Variants in CNTNAP3B observed in about 807,000 individuals in gnomAD.
CNTNAP3B encodes contactin associated protein family member 3B.
CNTNAP3B carries 25 observed loss-of-function variants against 108.9 expected under a neutral mutation model. The observed-to-expected ratio is 0.23, with a 90% CI of 0.17 to 0.32. CNTNAP3B has a LOEUF of 0.32. Ranked by LOEUF, CNTNAP3B falls within the 10% of genes least tolerant of loss-of-function variation. The pLI is 1.00. For synonymous variants in CNTNAP3B, 103 were observed against 473.4 expected (o/e 0.22, Z 10.16); for missense variants, 252 against 1,210.4 (o/e 0.21, Z 11.75).
In CNTNAP3B at chr9:41,935,966, C is replaced by G. The variant is rs1824144266; in HGVS notation, c.2237+2278G>C. 2.0e-5 allele frequency among the ~76,000 whole-genome samples: 3 copies of G among 152,394 alleles called. No individual in the cohort carries two copies. In the South Asian group the frequency reaches 6.2e-4, roughly 32 times the overall value. On this transcript the variant is annotated intron_variant, in intron 14 of 23. Transcript: ENST00000377561. ...AAACTCAGTTCATGGGAGGGTCACT[C>G]AATACAGGTGGCTCCAAGTGATACG...
intron 13 of CNTNAP3B, among the ~76,000 whole-genome samples, chr9:41,947,746 T>C (rs1824567276): frequency 6.6e-6 from 1 of 152,136 alleles, no homozygotes. Flanking sequence ...GAAAATCTAG[T>C]TCTAAAAAAC....
intron 12 of CNTNAP3B, among the ~76,000 whole-genome samples, chr9:41,955,687 C>A (rs1330685104): frequency 1.3e-5 from 2 of 152,298 alleles, no homozygotes; most frequent in African/African-American, 4.8e-5. Context: ...GAAAGGGGTT[C>A]AGAGGTGTGG....
rs1825400492 is a variant in CNTNAP3B at position 41,970,170 on chromosome 9, GTGA to G, written c.1550_1552del (p.Ile517del). On this transcript the variant is annotated inframe_deletion, in exon 10 of 24. Coordinates refer to ENST00000377561, the MANE Select transcript of CNTNAP3B (RefSeq NM_001201380.3). The stretch of plus-strand genomic sequence containing the variant: ...GGGATCCACCGCTTTGTCACCAATG[GTGA>G]TGAGCCTTAGGCAGCCCTGAAACCC... 9.6e-7 allele frequency: 1 copy of G among 1,042,358 alleles called. No individual in the cohort carries two copies. The highest frequency in any genetic ancestry group is 2.8e-5 in the African/African-American group (1 of 35,836). The allele number at this position is 1,042,358 out of a possible 1,614,324, so 64.6% of individuals were successfully genotyped here. A position where few individuals can be genotyped will look rare whatever the true frequency, so the allele number is the denominator to read the frequency against.
At chr9:41,938,765 T>A (rs978122487) in intron 13 of CNTNAP3B, among the ~76,000 whole-genome samples, 2 of 152,276 alleles carry the variant, frequency 1.3e-5, no homozygotes, top group Non-Finnish European at 2.9e-5. Flanking sequence ...TTATGAAATG[T>A]TCATTGAGAA....
chr9:42,037,556 G>T (rs1217981332), intron 3 of CNTNAP3B, among the ~76,000 whole-genome samples: 1 of 125,396 alleles, frequency 8.0e-6, no homozygotes, highest in South Asian at 2.6e-4. Flanking sequence ...TGAATGAAAT[G>T]AAGCAAGAAG....
Position 42,096,985 on chromosome 9 carries a change from A to C in CNTNAP3B, c.196+7644T>G, listed in dbSNP as rs1329552244. Among the ~76,000 whole-genome samples the C allele has an allele frequency of 1.7e-4, 23 of 133,518 alleles. 5 individuals carry two copies. The highest frequency in any genetic ancestry group is 7.0e-4 in the African/African-American group (23 of 32,862). 87.6% of individuals were successfully genotyped at this position (133,518 alleles called of 152,430 possible). On this transcript the variant is annotated intron_variant, in intron 2 of 23. Transcript: ENST00000377561. Reference sequence around the variant, plus strand: ...AGGCTGGTCTCCAACTCCTGGGCTCAAGGTGATCCAACCGCCTCAGCCTCC... The same window carrying C: ...AGGCTGGTCTCCAACTCCTGGGCTCCAGGTGATCCAACCGCCTCAGCCTCC...
intron 2 of CNTNAP3B, among the ~76,000 whole-genome samples, chr9:42,094,130 T>A (rs1317391632): frequency 1.5e-5 from 2 of 137,800 alleles, no homozygotes; most frequent in African/African-American, 2.9e-5. Context: ...TTCAAGGAAG[T>A]TAGAATTGCA....
intron 1 of CNTNAP3B, among the ~76,000 whole-genome samples, chr9:42,123,757 A>C (rs192614949): frequency 1.5e-5 from 2 of 137,912 alleles, no homozygotes; most frequent in African/African-American, 2.9e-5. Flanking sequence ...AAGGAACTAC[A>C]AGTTATATAT....
Position 41,934,118 on chromosome 9 carries a change from TATATACACACAC to T in CNTNAP3B, c.2237+4114_2237+4125del, listed in dbSNP as rs1162599677. ...TTTGTTACATATATATATATATATA[TATATACACACAC>T]ATATATATATACACACACATATATA... On this transcript the variant is annotated intron_variant, in intron 14 of 23. Coordinates refer to ENST00000377561, the MANE Select transcript of CNTNAP3B (RefSeq NM_001201380.3). 8.6e-4 allele frequency among the ~76,000 whole-genome samples: 113 copies of T among 130,716 alleles called. 1 individual carries two copies. The highest frequency in any genetic ancestry group is 3.4e-3 in the African/African-American group (107 of 31,472). The allele number at this position is 130,716 out of a possible 152,430, so 85.8% of individuals were successfully genotyped here.
In CNTNAP3B at chr9:42,087,725, C is replaced by G. The variant is rs1217649974; in HGVS notation, c.197-10663G>C. 2.2e-5 allele frequency among the ~76,000 whole-genome samples: 3 copies of G among 137,724 alleles called. 1 individual carries two copies. Among genetic ancestry groups the G allele is most frequent in the African/African-American group, 8.6e-5 (3 of 34,918 alleles). 90.4% of individuals were successfully genotyped at this position (137,724 alleles called of 152,430 possible). A position where few individuals can be genotyped will look rare whatever the true frequency, so the allele number is the denominator to read the frequency against. ...CTCTAATGGTTAATGATTTTAATACCAAATGTTGACCAGGATAAGAAGCAA... is the reference window on the plus strand; with the variant it reads ...CTCTAATGGTTAATGATTTTAATACGAAATGTTGACCAGGATAAGAAGCAA... On this transcript the variant is annotated intron_variant, in intron 2 of 23. Coordinates refer to ENST00000377561, the MANE Select transcript of CNTNAP3B (RefSeq NM_001201380.3).
At chr9:41,958,395 C>T (rs1310750320) in intron 12 of CNTNAP3B, among the ~76,000 whole-genome samples, 1 of 152,290 alleles carries the variant, frequency 6.6e-6, no homozygotes, top group Admixed American at 6.5e-5. Flanking sequence ...ATCTTCCCTC[C>T]TCAGCTTCTC....
At chr9:41,997,301 T>C (rs1176818111) in intron 6 of CNTNAP3B, among the ~76,000 whole-genome samples, 1 of 152,024 alleles carries the variant, frequency 6.6e-6, no homozygotes, top group Non-Finnish European at 1.5e-5. Flanking sequence ...TGAGTACATT[T>C]AATAACAATG....
intron 12 of CNTNAP3B, among the ~76,000 whole-genome samples, chr9:41,956,000 A>G (rs1273940450): frequency 6.6e-6 from 1 of 152,256 alleles, no homozygotes; most frequent in African/African-American, 2.4e-5. Flanking sequence ...CAGTTGGGCA[A>G]AATCATCTAA....
At chr9:41,956,259 G>T (rs1450351064) in intron 12 of CNTNAP3B, among the ~76,000 whole-genome samples, 2 of 151,800 alleles carry the variant, frequency 1.3e-5, no homozygotes, top group Admixed American at 1.3e-4. Flanking sequence ...GGTGGCACAT[G>T]CCTGTAGTCC....
At chr9:42,047,373 A>C (rs1219375441) in intron 3 of CNTNAP3B, among the ~76,000 whole-genome samples, 2 of 134,824 alleles carry the variant, frequency 1.5e-5, no homozygotes, top group Non-Finnish European at 1.6e-5. Context: ...AGTGGTTACT[A>C]AAGCTAAAAT....
At chr9:41,948,058 G>A (rs1285710127) in intron 13 of CNTNAP3B, among the ~76,000 whole-genome samples, 6 of 151,478 alleles carry the variant, frequency 4.0e-5, no homozygotes, top group Non-Finnish European at 8.8e-5. Context: ...TGGCCCAGAT[G>A]GTTTTATTGG....
intron 13 of CNTNAP3B, among the ~76,000 whole-genome samples, chr9:41,952,459 A>G (rs143133961): frequency 0.086 from 12,922 of 151,044 alleles, 302 homozygotes; most frequent in Middle Eastern, 0.16. Context: ...AATTAGCAAT[A>G]AAGTGCTTTC....
intron 3 of CNTNAP3B, among the ~76,000 whole-genome samples, chr9:42,016,784 A>G (rs1208218989): frequency 6.6e-6 from 1 of 151,354 alleles, no homozygotes; most frequent in Non-Finnish European, 1.5e-5. Flanking sequence ...GGGAGAAATC[A>G]TCATCTTTCT....
At chr9:42,035,999 T>A (rs1290221804) in intron 3 of CNTNAP3B, among the ~76,000 whole-genome samples, 1 of 145,288 alleles carries the variant, frequency 6.9e-6, no homozygotes, top group African/African-American at 2.6e-5. Flanking sequence ...TCCCAGCTAC[T>A]CGGGAGGCTG....
Sources: allele counts gnomAD v4.1 joint callset (sites outside exome capture counted in the v4.1 genomes callset), GRCh38; gene constraint gnomAD v4.1.1; transcripts MANE v1.5; gene names NCBI Gene and HGNC (gene_info 2026-07-23, HGNC 2026-07-21).